The following CTNNA3 variants were observed in gnomAD, a reference collection of about 807,000 sequenced individuals.
CTNNA3 encodes the protein catenin alpha 3.
In CTNNA3, 76 loss-of-function variants were observed where a neutral mutation model predicts 95.7. The observed-to-expected ratio is 0.79, with a 90% CI of 0.66 to 0.96. The LOEUF (loss-of-function observed/expected upper bound fraction) is 0.96, where lower values mean the gene tolerates loss of function less well. Ranked by LOEUF, CTNNA3 falls within the 40% of genes least tolerant of loss-of-function variation. The probability of loss-of-function intolerance (pLI) is 0.00; values close to 1 mark genes in which losing one functional copy is unlikely to be tolerated. For synonymous variants in CTNNA3, 431 were observed against 374.4 expected (o/e 1.15, Z -1.74); for missense variants, 1,191 against 1,089.8 (o/e 1.09, Z -1.31).
At chr10:67,053,067 A>G (rs1855210573) in intron 7 of CTNNA3, among the ~76,000 whole-genome samples, 1 of 152,248 alleles carries the variant, frequency 6.6e-6, no homozygotes, top group Non-Finnish European at 1.5e-5. Flanking sequence ...AGCTAGAGCT[A>G]TACCATCCCC....
intron 1 of CTNNA3, among the ~76,000 whole-genome samples, chr10:67,725,122 T>A (rs757472837): frequency 6.6e-6 from 1 of 151,990 alleles, no homozygotes; most frequent in Non-Finnish European, 1.5e-5. Context: ...TAGTTCTCCA[T>A]GAGTCACTTA....
chr10:66,084,863 T>A (rs1182449823), intron 14 of CTNNA3: 2 of 152,158 alleles, frequency 1.3e-5, no homozygotes, highest in African/African-American at 4.8e-5. Flanking sequence ...TGTATTTTTT[T>A]ATTTAAGGTG....
At chr10:66,934,340 G>A (rs1847574334) in intron 7 of CTNNA3, among the ~76,000 whole-genome samples, 1 of 151,800 alleles carries the variant, frequency 6.6e-6, no homozygotes, top group South Asian at 2.1e-4. Context: ...CTCTTAAATT[G>A]TTCTCCTTAT....
At chr10:67,558,143 G>A (rs1841325532) in intron 3 of CTNNA3, among the ~76,000 whole-genome samples, 1 of 152,226 alleles carries the variant, frequency 6.6e-6, no homozygotes, top group South Asian at 2.1e-4. Flanking sequence ...AGTCTCACAG[G>A]TATGCATCTT....
chr10:67,561,993 A>G (rs757460292), intron 3 of CTNNA3, among the ~76,000 whole-genome samples: 1 of 152,200 alleles, frequency 6.6e-6, no homozygotes, highest in Non-Finnish European at 1.5e-5. Context: ...TGTGGCAATA[A>G]TCAATAGCTT....
intron 13 of CTNNA3, among the ~76,000 whole-genome samples, chr10:66,219,137 A>C (rs1254623403): frequency 6.6e-6 from 1 of 152,156 alleles, no homozygotes; most frequent in Non-Finnish European, 1.5e-5. Context: ...CACCCAAGAA[A>C]ACTTATCATA....
chr10:66,029,176 G>A (rs2079403149), intron 15 of CTNNA3, among the ~76,000 whole-genome samples: 1 of 152,018 alleles, frequency 6.6e-6, no homozygotes, highest in African/African-American at 2.4e-5. Context: ...GCTTCTAATT[G>A]GCCTTTTTAC....
Position 66,983,199 on chromosome 10 carries a change from T to A in CTNNA3, c.1047+197118A>T, listed in dbSNP as rs1850543005. Among the ~76,000 whole-genome samples, 2 of 152,166 alleles carry A rather than the reference T, an allele frequency of 1.3e-5. 1 individual carries two copies. The highest frequency in any genetic ancestry group is 4.1e-4 in the South Asian group (2 of 4,824). On this transcript the variant is annotated intron_variant, in intron 7 of 17. Transcript: ENST00000433211. Reference sequence around the variant, plus strand: ...CTGCAGTGTCTACAGCTCAGCACACTCGGCAGAAAGACAAATGGAGGCTTT... The same window carrying A: ...CTGCAGTGTCTACAGCTCAGCACACACGGCAGAAAGACAAATGGAGGCTTT...
At chr10:67,746,945 G>T (rs531355059) in intron 1 of CTNNA3, among the ~76,000 whole-genome samples, 1 of 152,328 alleles carries the variant, frequency 6.6e-6, no homozygotes, top group East Asian at 1.9e-4. Context: ...CCCTGCTGGT[G>T]CTGGGGAAAC....
intron 12 of CTNNA3, among the ~76,000 whole-genome samples, 177 bp downstream of exon 12, chr10:66,378,975 A>G (rs994678596): frequency 6.6e-5 from 10 of 152,234 alleles, no homozygotes; most frequent in African/African-American, 2.2e-4. Flanking sequence ...ACCAATGAAT[A>G]TATTTACTTC....
chr10:67,133,328 T>TATATATATTTATAC (rs145659453), intron 7 of CTNNA3, among the ~76,000 whole-genome samples: 2 of 105,356 alleles, frequency 1.9e-5, no homozygotes, highest in East Asian at 5.3e-4. Context: ...TATATATTTA[T>TATATATATTTATAC]ACACACACAC....
intron 5 of CTNNA3, among the ~76,000 whole-genome samples, chr10:67,234,276 G>C (rs570147192): frequency 2.0e-5 from 3 of 152,100 alleles, no homozygotes; most frequent in Admixed American, 6.6e-5. Context: ...AAAATACTGG[G>C]AAACCAAATC....
chr10:67,553,986 A>G (rs1841132509), intron 3 of CTNNA3, among the ~76,000 whole-genome samples: 1 of 152,074 alleles, frequency 6.6e-6, no homozygotes, highest in Admixed American at 6.5e-5. Context: ...TTCAATGACC[A>G]CCTATGAGTG....
At chr10:67,619,822 T>C (rs1235965457) in intron 2 of CTNNA3, among the ~76,000 whole-genome samples, 1 of 152,182 alleles carries the variant, frequency 6.6e-6, no homozygotes, top group African/African-American at 2.4e-5. Flanking sequence ...AATTGTTTTA[T>C]GAGCTCCCCT....
chr10:67,742,604 G>A (rs1841347103), intron 1 of CTNNA3, among the ~76,000 whole-genome samples: 1 of 151,090 alleles, frequency 6.6e-6, no homozygotes, highest in Admixed American at 6.6e-5. Flanking sequence ...AGAAAAGCAA[G>A]AGCAAACACA....
rs1268667458 is a variant in CTNNA3, at chr10:66,771,847, G to GA, written c.1128+3596dup. 5.9e-5 allele frequency among the ~76,000 whole-genome samples: 9 copies of GA among 151,960 alleles called. No individual in the cohort carries two copies. In the South Asian group the frequency reaches 1.7e-3, roughly 28 times the overall value. ...AGTGGGAAGAAAACTCATTACAAAA[G>GA]AAAAAAATAGAAGAATATAATCATT... On this transcript the variant is annotated intron_variant, in intron 8 of 17. Coordinates refer to ENST00000433211, the MANE Select transcript of CTNNA3 (RefSeq NM_013266.4).
rs537958790 is a variant in CTNNA3, at chr10:65,965,839, T to TA, written c.2400+772dup. Among the ~76,000 whole-genome samples the TA allele has an allele frequency of 4.2e-3, 640 of 152,138 alleles. 2 individuals are homozygous for TA. The highest frequency in any genetic ancestry group is 1.0e-2 in the South Asian group (48 of 4,814). ...AGACATATAAATATACTAGTGTAAT[T>TA]AAAAAAAATTTTCTCAGAAATATAA... On this transcript the variant is annotated intron_variant, in intron 17 of 17. Coordinates refer to ENST00000433211, the MANE Select transcript of CTNNA3 (RefSeq NM_013266.4).
intron 13 of CTNNA3, among the ~76,000 whole-genome samples, chr10:66,148,576 G>A (rs72795333): frequency 0.048 from 7,270 of 152,010 alleles, 216 homozygotes; most frequent in African/African-American, 0.067. Context: ...CATTATGTGA[G>A]GATACAGTAC....
chr10:67,366,923 A>T (rs1163423066), intron 5 of CTNNA3, among the ~76,000 whole-genome samples: 2 of 152,120 alleles, frequency 1.3e-5, no homozygotes, highest in African/African-American at 4.8e-5. Context: ...TAGGTTAAAA[A>T]TTTTCAAAAA....
Sources: gnomAD v4.1 joint callset for allele counts (sites outside exome capture counted in the v4.1 genomes callset) on GRCh38, gnomAD v4.1.1 for gene constraint, MANE v1.5 for transcripts, NCBI Gene and HGNC (gene_info 2026-07-23, HGNC 2026-07-21) for gene names.